Variants in DUSP16 observed in about 807,000 individuals in gnomAD.
The protein encoded by DUSP16 is dual specificity protein phosphatase 16.
DUSP16 carries 21 observed loss-of-function variants against 58.3 expected under a neutral mutation model. The observed-to-expected ratio is 0.36, with a 90% CI of 0.26 to 0.52. The LOEUF (loss-of-function observed/expected upper bound fraction) is 0.52, where lower values mean the gene tolerates loss of function less well. Among genes scored for constraint, DUSP16 ranks in the 20% least tolerant of loss-of-function variants. The pLI is 0.94. For missense variants in DUSP16, 726 were observed against 819.0 expected (o/e 0.89, Z 1.39); for synonymous variants, 320 against 323.8 (o/e 0.99, Z 0.12).
chr12:12,556,937 T>A (rs12823123), intron 1 of DUSP16, among the ~76,000 whole-genome samples: 1 of 152,050 alleles, frequency 6.6e-6, no homozygotes, highest in Admixed American at 6.6e-5. Context: ...TCTTTTCTTT[T>A]GTATGTTCCC....
At chr12:12,551,943 C>T (rs907531966) in intron 1 of DUSP16, among the ~76,000 whole-genome samples, 4 of 152,078 alleles carry the variant, frequency 2.6e-5, no homozygotes, top group East Asian at 3.9e-4. Flanking sequence ...CCACCTGCCT[C>T]GGCCTCCCAA....
chr12:12,482,246 TACTGGCTGATAC>T (rs1943583217), intron 5 of DUSP16, among the ~76,000 whole-genome samples: 1 of 152,196 alleles, frequency 6.6e-6, no homozygotes, highest in African/African-American at 2.4e-5. Context: ...ATCCAGCTGA[TACTGGCTGATAC>T]ATATTTTCAA....
intron 1 of DUSP16, among the ~76,000 whole-genome samples, chr12:12,561,457 A>G (rs1263324905): frequency 6.6e-6 from 1 of 152,240 alleles, no homozygotes; most frequent in Non-Finnish European, 1.5e-5. Flanking sequence ...ACATGAAACT[A>G]CACGTGATAC....
Position 12,474,467 on chromosome 12 carries a change from CT to C in DUSP16, c.*2365del, listed in dbSNP as rs1943378245. ...TTTAAAATCACCATCTGTATCACCC[CT>C]AGTAGACGCGAGGGTTTCCCCAATT... On this transcript the variant is annotated 3_prime_UTR_variant, in exon 7 of 7. Coordinates refer to ENST00000298573, the MANE Select transcript of DUSP16 (RefSeq NM_030640.3). 6.6e-6 allele frequency: 1 copy of C among 152,222 alleles called. No homozygotes were observed. The highest frequency in any genetic ancestry group is 2.1e-4 in the South Asian group (1 of 4,830). 9.4% of individuals were successfully genotyped at this position (152,222 alleles called of 1,614,324 possible).
intron 5 of DUSP16, among the ~76,000 whole-genome samples, chr12:12,482,384 A>G (rs937201990): frequency 2.0e-5 from 3 of 152,212 alleles, no homozygotes; most frequent in Non-Finnish European, 4.4e-5. Flanking sequence ...ATTTTCTGCA[A>G]TGTGCTTACA....
rs565112373 is a variant in DUSP16 at position 12,476,004 on chromosome 12, C to T, written c.*829G>A. On this transcript the variant is annotated 3_prime_UTR_variant, in exon 7 of 7. Transcript: ENST00000298573. ...TTAGCCTCCCAACCTTAGCTTAAAT[C>T]GTGATGTTGCCAGGTTCCTGGTGGT... 2 of 152,194 alleles carry T rather than the reference C, an allele frequency of 1.3e-5. No individual in the cohort carries two copies. The highest frequency in any genetic ancestry group is 2.9e-5 in the Non-Finnish European group (2 of 68,032). 9.4% of individuals were successfully genotyped at this position (152,194 alleles called of 1,614,324 possible).
In DUSP16 at chr12:12,520,948, A is replaced by G; in HGVS notation, c.151T>C (p.Ser51Pro). ...TGCAACCTTCGCTTCATAAGCTTGG[A>G]GCAGTTGATATTAATGGCTTCCAAA... ...HILEAININCSKLMKRRLQQD... is the reference protein window; with the variant it reads ...HILEAININCPKLMKRRLQQD... Residue 51 changes from serine (S) to proline (P), a missense_variant, in exon 2 of 7, where the codon TCC (serine) becomes CCC (proline). Physicochemically the swap from Ser to Pro is moderately conservative, Grantham distance 74. Coordinates refer to ENST00000298573, the MANE Select transcript of DUSP16 (RefSeq NM_030640.3). 1 of 1,614,200 alleles carries G rather than the reference A, an allele frequency of 6.2e-7. No individual in the cohort carries two copies. The highest frequency in any genetic ancestry group is 8.5e-7 in the Non-Finnish European group (1 of 1,180,030).
At chr12:12,549,524 A>G (rs1157119376) in intron 1 of DUSP16, among the ~76,000 whole-genome samples, 1 of 151,958 alleles carries the variant, frequency 6.6e-6, no homozygotes, top group African/African-American at 2.4e-5. Context: ...TGCCTACTCC[A>G]TTCACTCTTA....
chr12:12,552,331 A>G (rs1390733796), intron 1 of DUSP16, among the ~76,000 whole-genome samples: 1 of 152,074 alleles, frequency 6.6e-6, no homozygotes, highest in African/African-American at 2.4e-5. Context: ...CTGTAATCCC[A>G]GTTACTTGAG....
chr12:12,517,082 T>C (rs1944164766), intron 3 of DUSP16, among the ~76,000 whole-genome samples: 1 of 152,238 alleles, frequency 6.6e-6, no homozygotes, highest in African/African-American at 2.4e-5. Context: ...AGTCCTCTTG[T>C]TCTCCTTATT....
In DUSP16 at chr12:12,537,498, A is replaced by G. The variant is rs550810667; in HGVS notation, c.-365-16035T>C. 2.0e-5 allele frequency among the ~76,000 whole-genome samples: 3 copies of G among 152,376 alleles called. No individual in the cohort carries two copies. The South Asian group carries it at 6.2e-4, about 32-fold the overall frequency. On this transcript the variant is annotated intron_variant, in intron 1 of 6. Transcript: ENST00000298573. ...CATATTCAAAATTAAAATTATAAGC[A>G]AAATCATTACAAATACAGTAAGCTT...
At chr12:12,555,630 C>T (rs867375395) in intron 1 of DUSP16, among the ~76,000 whole-genome samples, 3 of 152,130 alleles carry the variant, frequency 2.0e-5, no homozygotes, top group African/African-American at 7.2e-5. Flanking sequence ...CCCCAACATA[C>T]ATAGACATTA....
intron 4 of DUSP16, among the ~76,000 whole-genome samples, chr12:12,496,366 G>C (rs573232504): frequency 6.6e-6 from 1 of 152,278 alleles, no homozygotes; most frequent in Non-Finnish European, 1.5e-5. Context: ...ACTCTTCTAA[G>C]AAAACAACAG....
intron 1 of DUSP16, among the ~76,000 whole-genome samples, chr12:12,550,226 C>T (rs956860106): frequency 4.7e-5 from 7 of 150,096 alleles, no homozygotes; most frequent in Non-Finnish European, 7.4e-5. Context: ...TGAGCCAAGA[C>T]GGCGCCATTG....
chr12:12,543,415 G>C (rs1419029694), intron 1 of DUSP16, among the ~76,000 whole-genome samples: 1 of 152,088 alleles, frequency 6.6e-6, no homozygotes, highest in African/African-American at 2.4e-5. Context: ...AGTAGATGCT[G>C]TTCTTTTATT....
chr12:12,483,436 C>T (rs2136192927), intron 5 of DUSP16, among the ~76,000 whole-genome samples: 1 of 151,338 alleles, frequency 6.6e-6, no homozygotes, highest in South Asian at 2.1e-4. Context: ...TTTTAATCCT[C>T]ACAATATCCC....
chr12:12,490,156 G>T (rs1031733383), intron 4 of DUSP16, among the ~76,000 whole-genome samples: 1 of 152,120 alleles, frequency 6.6e-6, no homozygotes, highest in Non-Finnish European at 1.5e-5. Flanking sequence ...GGCCTCAAGC[G>T]ATCCTCCTAC....
intron 1 of DUSP16, among the ~76,000 whole-genome samples, chr12:12,557,180 G>C (rs1404218823): frequency 6.6e-6 from 1 of 152,148 alleles, no homozygotes; most frequent in Non-Finnish European, 1.5e-5. Flanking sequence ...TTCTGGCCGG[G>C]TGTGGTGGCT....
intron 1 of DUSP16, among the ~76,000 whole-genome samples, chr12:12,545,460 T>TC (rs755041406): frequency 0.014 from 2,118 of 147,836 alleles, 51 homozygotes; most frequent in African/African-American, 0.045. Flanking sequence ...TTTTTTTTTT[T>TC]CCGTAAAGAC....
Sources: gnomAD v4.1 joint callset for allele counts (sites outside exome capture counted in the v4.1 genomes callset) on GRCh38, gnomAD v4.1.1 for gene constraint, MANE v1.5 for transcripts, NCBI Gene and HGNC (gene_info 2026-07-23, HGNC 2026-07-21) for gene names.